CSMD1: variants seen among roughly 807,000 people sequenced by gnomAD.
CSMD1 encodes CUB and sushi domain-containing protein 1.
CSMD1 carries 213 observed loss-of-function variants against 417.5 expected under a neutral mutation model. The observed-to-expected ratio is 0.51, with a 90% confidence interval of 0.46 to 0.57. The LOEUF (loss-of-function observed/expected upper bound fraction) is 0.57. CSMD1 is among the 20% of genes least tolerant of loss of function. The pLI is 0.00. For missense variants in CSMD1, 6,923 were observed against 4,529.7 expected, an observed-to-expected ratio of 1.53 and a Z score of -15.17; for synonymous variants, 2,862 against 1,736.8, an observed-to-expected ratio of 1.65 and a Z score of -16.11.
At position 4,355,556 on chromosome 8, in the gene CSMD1, T is replaced by C. The variant is rs578021609; in HGVS notation, c.415+64397A>G. Among the ~76,000 whole-genome samples, 39 of 152,182 alleles carry C rather than the reference T, an allele frequency of 2.6e-4. No homozygotes were observed. In the South Asian group the frequency reaches 6.8e-3, roughly 27 times the overall value. ...CTCCTTCAGTACATAAGTGAAGAAA[T>C]AACAACTGCAACAAAACTTGGTGAG... On this transcript the variant is annotated intron_variant, in intron 3 of 69. Transcript: ENST00000635120.
chr8:3,592,693 C>CGTGTGTGTGTGCACATCCGT (rs1554480819), intron 8 of CSMD1, among the ~76,000 whole-genome samples: 1 of 143,430 alleles, frequency 7.0e-6, no homozygotes, highest in Non-Finnish European at 1.5e-5. Flanking sequence ...TGTGCACATC[C>CGTGTGTGTGTGCACATCCGT]GTGTGTGTGT....
chr8:4,253,068 G>A (rs901494230), intron 3 of CSMD1, among the ~76,000 whole-genome samples: 17 of 152,338 alleles, frequency 1.1e-4, no homozygotes, highest in Non-Finnish European at 1.5e-4. Context: ...GAGACTACAA[G>A]CTCTTAGAGG....
Position 3,409,585 on chromosome 8 carries a change from C to A in CSMD1, c.1582G>T (p.Gly528Trp), listed in dbSNP as rs762173655. ...VYQEIEKGGC[G>W]DPGIPAYGKR... ...CCATAGGCGGGGATTCCAGGATCCC[C>A]ACACCCTCCCTTTTCAATTTCTGAA... is the stretch of plus-strand genomic sequence containing the variant. Residue 528 changes from glycine (G) to tryptophan (W), a missense_variant, in exon 13 of 70, where the codon GGG becomes TGG. Coordinates refer to ENST00000635120, the MANE Select transcript of CSMD1 (RefSeq NM_033225.6). 1 of 1,595,690 alleles carries A rather than the reference C, an allele frequency of 6.3e-7. No homozygotes were observed. The highest frequency in any genetic ancestry group is 8.6e-7 in the Non-Finnish European group (1 of 1,169,470).
At chr8:3,508,272 T>C (rs1796916267) in intron 10 of CSMD1, among the ~76,000 whole-genome samples, 1 of 149,550 alleles carries the variant, frequency 6.7e-6, no homozygotes, top group Non-Finnish European at 1.5e-5. Context: ...AAGACATAGA[T>C]CCTGGCTCAC....
intron 2 of CSMD1, among the ~76,000 whole-genome samples, chr8:4,423,111 G>C (rs1005669599): frequency 6.6e-6 from 1 of 152,054 alleles, no homozygotes; most frequent in Non-Finnish European, 1.5e-5. Flanking sequence ...GTTGAAGACT[G>C]AATGCTTCTG....
At position 3,303,823 on chromosome 8, in the gene CSMD1, G is replaced by GTCTTGTGAT. The variant is rs529718027; in HGVS notation, c.3950+3863_3950+3871dup. Among the ~76,000 whole-genome samples the GTCTTGTGAT allele has an allele frequency of 5.4e-4, 82 of 152,314 alleles. No homozygotes were observed. The South Asian group carries it at 0.016, about 30-fold the overall frequency. On this transcript the variant is annotated intron_variant, in intron 25 of 69. Transcript: ENST00000635120. ...TCAATGGGGCTAAATTTTCTACAAT[G>GTCTTGTGAT]TCTTGTGATTAGACTTTTAATTAAA... is the stretch of plus-strand genomic sequence containing the variant.
chr8:3,944,094 A>C (rs1811068864), intron 5 of CSMD1, among the ~76,000 whole-genome samples: 1 of 152,190 alleles, frequency 6.6e-6, no homozygotes, highest in African/African-American at 2.4e-5. Flanking sequence ...GTGAGAAAGA[A>C]TAAAGCAAAT....
At chr8:3,906,689 T>C (rs1808135650) in intron 5 of CSMD1, among the ~76,000 whole-genome samples, 1 of 152,118 alleles carries the variant, frequency 6.6e-6, no homozygotes, top group Non-Finnish European at 1.5e-5. Context: ...AACTATGTTT[T>C]ATGTAAAAAA....
intron 2 of CSMD1, among the ~76,000 whole-genome samples, chr8:4,450,572 T>C (rs1331941437): frequency 6.6e-6 from 1 of 151,958 alleles, no homozygotes; most frequent in Admixed American, 6.6e-5. Flanking sequence ...GAGGCAGAGG[T>C]TGCAGCCCAG....
intron 3 of CSMD1, among the ~76,000 whole-genome samples, chr8:4,045,534 C>G (rs978254000): frequency 6.6e-6 from 1 of 152,126 alleles, no homozygotes; most frequent in African/African-American, 2.4e-5. Context: ...GCCCTGTGGG[C>G]AGCAGATGCT....
chr8:4,434,453 T>C (rs1485518106), intron 2 of CSMD1, among the ~76,000 whole-genome samples: 1 of 152,060 alleles, frequency 6.6e-6, no homozygotes, highest in Non-Finnish European at 1.5e-5. Context: ...TTGTGACCCA[T>C]CCTATGAAGT....
At chr8:4,418,025 C>G (rs977230593) in intron 3 of CSMD1, among the ~76,000 whole-genome samples, 20 of 151,972 alleles carry the variant, frequency 1.3e-4, no homozygotes, top group African/African-American at 4.8e-4. Flanking sequence ...AACGCACACT[C>G]ATTTTTGCAG....
intron 5 of CSMD1, among the ~76,000 whole-genome samples, chr8:3,887,958 A>C (rs1806676205): frequency 6.6e-6 from 1 of 152,232 alleles, no homozygotes; most frequent in Non-Finnish European, 1.5e-5. Flanking sequence ...TACTTAAGAA[A>C]ACAGAGAAAA....
chr8:3,190,814 G>A (rs1463810390), intron 33 of CSMD1, among the ~76,000 whole-genome samples: 2 of 152,132 alleles, frequency 1.3e-5, no homozygotes, highest in African/African-American at 2.4e-5. Context: ...GTAATAACAC[G>A]GATGAACCTT....
chr8:4,893,277 T>G (rs547825730), intron 1 of CSMD1, among the ~76,000 whole-genome samples: 8 of 152,270 alleles, frequency 5.3e-5, no homozygotes, highest in African/African-American at 1.7e-4. Context: ...AACTGATGTT[T>G]TTCTTGAACT....
intron 11 of CSMD1, among the ~76,000 whole-genome samples, chr8:3,470,916 C>A (rs1375465822): frequency 6.6e-6 from 1 of 152,158 alleles, no homozygotes; most frequent in Non-Finnish European, 1.5e-5. Context: ...GCTTAATTAA[C>A]CACCTGGTAA....
intron 3 of CSMD1, among the ~76,000 whole-genome samples, chr8:4,252,200 A>G (rs1803127805): frequency 6.6e-6 from 1 of 152,132 alleles, no homozygotes; most frequent in Non-Finnish European, 1.5e-5. Context: ...AAAAAGCTTA[A>G]AACAAGACAA....
At chr8:4,525,270 G>A (rs560916813) in intron 2 of CSMD1, among the ~76,000 whole-genome samples, 7 of 152,124 alleles carry the variant, frequency 4.6e-5, no homozygotes, top group Non-Finnish European at 8.8e-5. Context: ...GGAAAGGAAA[G>A]ACAACACTCT....
At chr8:4,162,461 A>C (rs1382941588) in intron 3 of CSMD1, among the ~76,000 whole-genome samples, 1 of 152,234 alleles carries the variant, frequency 6.6e-6, no homozygotes, top group East Asian at 1.9e-4. Context: ...TTCAAGACTT[A>C]CACAAAATTT....
Sources: allele counts gnomAD v4.1 joint callset (sites outside exome capture counted in the v4.1 genomes callset), GRCh38; gene constraint gnomAD v4.1.1; transcripts MANE v1.5; gene names NCBI Gene and HGNC (gene_info 2026-07-23, HGNC 2026-07-21).